The following RFX4 variants were observed in gnomAD, a reference collection of about 807,000 sequenced individuals.
RFX4 encodes the protein regulatory factor X4.
Under a neutral mutation model 95.0 loss-of-function variants are expected in RFX4, and 10 were observed. The observed-to-expected ratio is 0.11, with a 90% CI of 0.06 to 0.18. The LOEUF is 0.18. Ranked by LOEUF, RFX4 falls within the 10% of genes least tolerant of loss-of-function variation. The pLI, the probability that RFX4 is intolerant of heterozygous loss-of-function variation, is 1.00. For missense variants in RFX4, 640 were observed against 922.0 expected (o/e 0.69, Z 3.96); for synonymous variants, 321 against 340.7 (o/e 0.94, Z 0.64).
chr12:106,644,051 G>C (rs998966160), intron 3 of RFX4, among the ~76,000 whole-genome samples: 1 of 152,128 alleles, frequency 6.6e-6, no homozygotes, highest in African/African-American at 2.4e-5. Context: ...AAAGCATGCA[G>C]ATGTATCACA....
intron 6 of RFX4, among the ~76,000 whole-genome samples, chr12:106,688,278 C>G (rs1158079086): frequency 7.2e-5 from 11 of 152,062 alleles, no homozygotes; most frequent in Non-Finnish European, 1.5e-4. Flanking sequence ...CCATGTTGGC[C>G]AGGCTGGTCT....
chr12:106,761,248 A>G lies in RFX4; in HGVS notation c.1987A>G (p.Thr663Ala), dbSNP rs144648378. ...SRMEPCLMSS[T>A]PRLHPTPVTP... ...GATGGAACCTTGTTTGATGAGCAGTACTCCCAGACTGCATCCTACCCCAGT... is the reference window on the plus strand; with the variant it reads ...GATGGAACCTTGTTTGATGAGCAGTGCTCCCAGACTGCATCCTACCCCAGT... The change falls in exon 18 of 18, where the codon ACT (threonine) becomes GCT (alanine). Residue 663 changes from threonine (T) to alanine (A), a missense_variant. By Grantham distance (58) the Thr-to-Ala change is moderately conservative. This residue lies in a region of RFX4 where 300 missense variants were observed against 346.8 expected (regional missense o/e 0.87). Transcript: ENST00000392842. 1.9e-6 allele frequency: 3 copies of G among 1,613,834 alleles called. No individual in the cohort carries two copies. Among genetic ancestry groups the G allele is most frequent in the African/African-American group, 2.7e-5 (2 of 74,860 alleles).
In RFX4 at chr12:106,709,322, T is replaced by C; in HGVS notation, c.834-8T>C. On this transcript the variant is annotated splice_polypyrimidine_tract_variant and splice_region_variant and intron_variant, in intron 8 of 17. Transcript: ENST00000392842. ...GCAGCACTTAAAACTCATCGTTTCT[T>C]TTTCTAGCTTAACTCAGGTGATTCG... 6.2e-7 allele frequency: 1 copy of C among 1,612,990 alleles called. No homozygotes were observed. The highest frequency in any genetic ancestry group is 2.2e-5 in the East Asian group (1 of 44,854).
chr12:106,609,345 A>G (rs2137204971), intron 2 of RFX4, among the ~76,000 whole-genome samples: 1 of 152,364 alleles, frequency 6.6e-6, no homozygotes, highest in Non-Finnish European at 1.5e-5. Flanking sequence ...GTTAACTGAA[A>G]GATGTATCAT....
intron 10 of RFX4, among the ~76,000 whole-genome samples, chr12:106,714,255 A>T (rs1294365413): frequency 6.6e-6 from 1 of 151,972 alleles, no homozygotes; most frequent in Non-Finnish European, 1.5e-5. Flanking sequence ...GGCTGAGGTT[A>T]ATCTACTTGC....
chr12:106,642,546 A>T (rs1449392781), intron 3 of RFX4, among the ~76,000 whole-genome samples: 1 of 152,034 alleles, frequency 6.6e-6, no homozygotes, highest in African/African-American at 2.4e-5. Context: ...AGCCTTGGAG[A>T]TCAAGACTGT....
At chr12:106,610,321 A>G (rs931018765) in intron 2 of RFX4, among the ~76,000 whole-genome samples, 3 of 152,118 alleles carry the variant, frequency 2.0e-5, no homozygotes, top group African/African-American at 7.2e-5. Flanking sequence ...CATAACATAA[A>G]ATTTAGTATT....
chr12:106,741,963 C>T (rs2042813543), intron 15 of RFX4, among the ~76,000 whole-genome samples: 1 of 152,180 alleles, frequency 6.6e-6, no homozygotes, highest in African/African-American at 2.4e-5. Flanking sequence ...GGAGGCAGAG[C>T]TCAGGCAGTA....
At chr12:106,584,565 C>A (rs1248487180) in intron 1 of RFX4, among the ~76,000 whole-genome samples, 1 of 152,146 alleles carries the variant, frequency 6.6e-6, no homozygotes, top group East Asian at 1.9e-4. Context: ...AGCAAATAAA[C>A]AAATGCCGCA....
At chr12:106,597,120 T>C (rs2039631446) in intron 1 of RFX4, among the ~76,000 whole-genome samples, 1 of 152,242 alleles carries the variant, frequency 6.6e-6, no homozygotes, top group Admixed American at 6.5e-5. Flanking sequence ...CCTCCACTTC[T>C]ATTGATCTGC....
chr12:106,706,158 G>A (rs1380806638), intron 8 of RFX4, among the ~76,000 whole-genome samples: 1 of 152,250 alleles, frequency 6.6e-6, no homozygotes, highest in Non-Finnish European at 1.5e-5. Context: ...AAGGATGCCA[G>A]GGGCGAAGGC....
chr12:106,619,412 C>T (rs1419404033), intron 2 of RFX4, among the ~76,000 whole-genome samples: 1 of 152,080 alleles, frequency 6.6e-6, no homozygotes, highest in East Asian at 1.9e-4. Context: ...TATCATTCCA[C>T]TGTCTTCTGG....
intron 2 of RFX4, among the ~76,000 whole-genome samples, chr12:106,637,956 ATTC>A (rs965296724): frequency 5.9e-5 from 9 of 152,088 alleles, no homozygotes; most frequent in East Asian, 1.9e-4. Context: ...AATTAATTTA[ATTC>A]TTCTTATTAA....
intron 17 of RFX4, among the ~76,000 whole-genome samples, chr12:106,753,824 C>T (rs2043058582): frequency 6.6e-6 from 1 of 152,188 alleles, no homozygotes; most frequent in African/African-American, 2.4e-5. Flanking sequence ...GTATGGTGTG[C>T]TGAGCACGCT....
chr12:106,734,781 G>T (rs2042679121), intron 15 of RFX4, among the ~76,000 whole-genome samples: 1 of 151,742 alleles, frequency 6.6e-6, no homozygotes, highest in South Asian at 2.1e-4. Flanking sequence ...AAAGAAATCA[G>T]CCAGGCATGG....
At chr12:106,590,488 C>T (rs2039523653) in intron 1 of RFX4, among the ~76,000 whole-genome samples, 1 of 152,202 alleles carries the variant, frequency 6.6e-6, no homozygotes, top group South Asian at 2.1e-4. Context: ...CAATAAGTTT[C>T]TGAGCCCTAG....
intron 4 of RFX4, among the ~76,000 whole-genome samples, chr12:106,676,810 C>G: frequency 6.6e-6 from 1 of 152,218 alleles, no homozygotes; most frequent in East Asian, 1.9e-4. Context: ...GAAATCATTT[C>G]ATTCCTCAAA....
chr12:106,751,824 A>G (rs1454374961), intron 17 of RFX4, among the ~76,000 whole-genome samples: 7 of 151,832 alleles, frequency 4.6e-5, no homozygotes, highest in African/African-American at 1.7e-4. Flanking sequence ...TTCATTGTAG[A>G]TTCTGGATAT....
At chr12:106,717,727 A>T (rs1358930108) in intron 11 of RFX4, among the ~76,000 whole-genome samples, 1 of 152,246 alleles carries the variant, frequency 6.6e-6, no homozygotes, top group East Asian at 1.9e-4. Flanking sequence ...GATGTGTTGC[A>T]TCTTACCAAA....
Sources: gnomAD v4.1 joint callset for allele counts (sites outside exome capture counted in the v4.1 genomes callset) on GRCh38, gnomAD v4.1.1 for gene constraint, gnomAD v4.1.1 regional missense constraint, MANE v1.5 for transcripts, NCBI Gene and HGNC (gene_info 2026-07-23, HGNC 2026-07-21) for gene names.